Variants in CNTNAP2 observed in about 807,000 individuals in gnomAD.
CNTNAP2 encodes contactin associated protein 2, also known as contactin-associated protein-like 2.
In CNTNAP2, 98 loss-of-function variants were observed where a neutral mutation model predicts 155.2. The observed-to-expected ratio is 0.63, with a 90% CI of 0.54 to 0.75. CNTNAP2 has a LOEUF of 0.75. CNTNAP2 is among the 30% of genes least tolerant of loss of function. The pLI is 0.00. For missense variants in CNTNAP2, 1,727 were observed against 1,688.1 expected, an observed-to-expected ratio of 1.02 and a Z score of -0.40; for synonymous variants, 651 against 631.2, an observed-to-expected ratio of 1.03 and a Z score of -0.47.
At chr7:147,880,873 G>GTGTA (rs1332029400) in intron 13 of CNTNAP2, among the ~76,000 whole-genome samples, 1 of 103,534 alleles carries the variant, frequency 9.7e-6, no homozygotes, top group Admixed American at 1.0e-4. Context: ...GTGTGTGTGT[G>GTGTA]TGTGTGTGTG....
chr7:147,123,006 C>A (rs537951711), intron 6 of CNTNAP2: 3 of 151,716 alleles, frequency 2.0e-5, no homozygotes, highest in Non-Finnish European at 4.4e-5. Context: ...TATGAATATA[C>A]GATATATATT....
intron 1 of CNTNAP2, among the ~76,000 whole-genome samples, chr7:146,711,886 CATCTT>C (rs1272551601): frequency 5.1e-5 from 5 of 97,122 alleles, no homozygotes; most frequent in Non-Finnish European, 8.6e-5. Flanking sequence ...ATAGTATACA[CATCTT>C]ATGTATACTA....
chr7:147,935,524 T>G (rs1294547956), intron 14 of CNTNAP2, among the ~76,000 whole-genome samples: 1 of 152,236 alleles, frequency 6.6e-6, no homozygotes, highest in Non-Finnish European at 1.5e-5. Context: ...TTTGGTCAGT[T>G]GTGAATTGAA....
intron 1 of CNTNAP2, among the ~76,000 whole-genome samples, chr7:146,752,078 A>T (rs113655577): frequency 6.6e-6 from 1 of 152,110 alleles, no homozygotes; most frequent in Non-Finnish European, 1.5e-5. Context: ...TAGTGCTGCA[A>T]TAAACATACG....
chr7:146,387,788 C>T (rs959947509), intron 1 of CNTNAP2, among the ~76,000 whole-genome samples: 1 of 151,744 alleles, frequency 6.6e-6, no homozygotes, highest in African/African-American at 2.4e-5. Flanking sequence ...GGAGCCTCCA[C>T]CAGCTTCCTA....
At chr7:146,620,125 CATT>C (rs776119183) in intron 1 of CNTNAP2, among the ~76,000 whole-genome samples, 2 of 152,064 alleles carry the variant, frequency 1.3e-5, no homozygotes, top group African/African-American at 2.4e-5. Flanking sequence ...ACTCTTAAGT[CATT>C]GTTGTAACTG....
At chr7:146,599,289 C>G (rs1221298482) in intron 1 of CNTNAP2, among the ~76,000 whole-genome samples, 1 of 152,038 alleles carries the variant, frequency 6.6e-6, no homozygotes, top group Non-Finnish European at 1.5e-5. Context: ...CATTGTGTCT[C>G]TTCTCTACTC....
At chr7:148,210,161 C>T (rs1345612430) in intron 18 of CNTNAP2, among the ~76,000 whole-genome samples, 1 of 152,144 alleles carries the variant, frequency 6.6e-6, no homozygotes, top group Non-Finnish European at 1.5e-5. Flanking sequence ...GATTTAAAGC[C>T]CACAGCAATG....
intron 1 of CNTNAP2, among the ~76,000 whole-genome samples, chr7:146,753,853 G>T (rs1801946901): frequency 6.6e-6 from 1 of 151,956 alleles, no homozygotes; most frequent in South Asian, 2.1e-4. Flanking sequence ...TGGTAACATA[G>T]GATAAAATTC....
In CNTNAP2 at chr7:146,323,434, T is replaced by C. The variant is rs565026240; in HGVS notation, c.97+206461T>C. ...GCTGACCAAACAGAGGCTACAGTACTGATTTTGACAGAGACCAAGGACAAC... is the reference window on the plus strand; with the variant it reads ...GCTGACCAAACAGAGGCTACAGTACCGATTTTGACAGAGACCAAGGACAAC... On this transcript the variant is annotated intron_variant, in intron 1 of 23. Coordinates refer to ENST00000361727, the MANE Select transcript of CNTNAP2 (RefSeq NM_014141.6). Among the ~76,000 whole-genome samples, 3 of 152,260 alleles carry C rather than the reference T, an allele frequency of 2.0e-5. No homozygotes were observed. In the East Asian group the frequency reaches 5.8e-4, roughly 29 times the overall value.
chr7:147,293,701 T>C, intron 8 of CNTNAP2, among the ~76,000 whole-genome samples: 1 of 152,154 alleles, frequency 6.6e-6, no homozygotes, highest in East Asian at 1.9e-4. Context: ...AGTCTTTTCT[T>C]CTTGTCTCTA....
At chr7:146,993,229 G>C (rs920323100) in intron 3 of CNTNAP2, among the ~76,000 whole-genome samples, 2 of 152,134 alleles carry the variant, frequency 1.3e-5, no homozygotes, top group Admixed American at 6.6e-5. Flanking sequence ...TATTTCTAGG[G>C]TCTTGCATCT....
intron 9 of CNTNAP2, among the ~76,000 whole-genome samples, chr7:147,331,226 A>G (rs1444484416): frequency 1.3e-5 from 2 of 152,142 alleles, no homozygotes; most frequent in Non-Finnish European, 2.9e-5. Context: ...GTTCCCTGGT[A>G]AAAGCTAAAG....
intron 3 of CNTNAP2, among the ~76,000 whole-genome samples, chr7:146,922,920 T>TA (rs888023221): frequency 1.3e-5 from 2 of 152,192 alleles, no homozygotes; most frequent in Non-Finnish European, 2.9e-5. Context: ...GTAAAAGGTT[T>TA]TACTTCTTAA....
intron 3 of CNTNAP2, among the ~76,000 whole-genome samples, chr7:146,864,382 A>G (rs900197986): frequency 5.9e-5 from 9 of 152,198 alleles, no homozygotes; most frequent in African/African-American, 2.2e-4. Flanking sequence ...TGACATTCAT[A>G]AAATGACAAA....
chr7:147,400,091 A>G (rs1037569742), intron 10 of CNTNAP2, among the ~76,000 whole-genome samples: 1 of 152,146 alleles, frequency 6.6e-6, no homozygotes, highest in African/African-American at 2.4e-5. Context: ...CTCAACTCTT[A>G]TTCTCAATCT....
At chr7:146,810,730 G>A (rs551221218) in intron 2 of CNTNAP2, among the ~76,000 whole-genome samples, 8 of 151,948 alleles carry the variant, frequency 5.3e-5, no homozygotes, top group Non-Finnish European at 8.8e-5. Context: ...TAGAGAAAAC[G>A]AATTAAGCTG....
chr7:146,568,453 T>G (rs2129145501), intron 1 of CNTNAP2, among the ~76,000 whole-genome samples: 1 of 152,354 alleles, frequency 6.6e-6, no homozygotes, highest in Admixed American at 6.5e-5. Context: ...TTACTGATCG[T>G]ATAGGATTAT....
At chr7:148,183,514 C>T (rs1342065053) in intron 18 of CNTNAP2, among the ~76,000 whole-genome samples, 3 of 101,042 alleles carry the variant, frequency 3.0e-5, no homozygotes, top group Non-Finnish European at 5.4e-5. Context: ...AGGCTTTGAG[C>T]TTTGTTGCCC....
Sources: allele counts gnomAD v4.1 joint callset (sites outside exome capture counted in the v4.1 genomes callset), GRCh38; gene constraint gnomAD v4.1.1; transcripts MANE v1.5; gene names NCBI Gene and HGNC (gene_info 2026-07-23, HGNC 2026-07-21).